The following SGCD variants were observed in gnomAD, a reference collection of about 807,000 sequenced individuals.
SGCD encodes the protein sarcoglycan delta, also known as delta-sarcoglycan.
Under a neutral mutation model 36.6 loss-of-function variants are expected in SGCD, and 18 were observed. The ratio of observed to expected loss-of-function variants is 0.49; its 90% CI spans 0.34 to 0.73. SGCD has a LOEUF of 0.73. SGCD is among the 30% of genes least tolerant of loss of function. SGCD has a pLI of 0.01. For synonymous variants in SGCD, 133 were observed against 130.6 expected (o/e 1.02, Z -0.12); for missense variants, 387 against 346.7 (o/e 1.12, Z -0.92).
intron 4 of SGCD, among the ~76,000 whole-genome samples, chr5:156,554,763 A>G (rs946311624): frequency 6.6e-6 from 1 of 151,932 alleles, no homozygotes; most frequent in Non-Finnish European, 1.5e-5. Context: ...TAGGAATGCA[A>G]TTGCTGGGTC....
the SGCD span, among the ~76,000 whole-genome samples, chr5:155,812,213 T>C: frequency 1.8e-4 from 27 of 152,320 alleles, no homozygotes; most frequent in Non-Finnish European, 2.9e-4. Flanking sequence ...GTTATACATA[T>C]GGACAGGTGC....
intron 3 of SGCD, among the ~76,000 whole-genome samples, chr5:156,172,851 G>GT (rs56825608): frequency 0.33 from 49,228 of 148,684 alleles, 8,579 homozygotes; most frequent in South Asian, 0.42. Context: ...CGTGTAATTT[G>GT]TTTTTTTTTT....
intron 2 of SGCD, among the ~76,000 whole-genome samples, chr5:156,340,940 A>G (rs571218184): frequency 6.6e-6 from 1 of 152,298 alleles, no homozygotes; most frequent in South Asian, 2.1e-4. Context: ...ATCCATTACC[A>G]TATGTTTGCA....
the SGCD span, among the ~76,000 whole-genome samples, chr5:155,796,395 T>A: frequency 6.6e-6 from 1 of 152,168 alleles, no homozygotes; most frequent in Non-Finnish European, 1.5e-5. Context: ...AAAATCTTTT[T>A]ATCTAAGTCT....
intron 3 of SGCD, among the ~76,000 whole-genome samples, chr5:156,312,794 T>C (rs1767421903): frequency 6.6e-6 from 1 of 152,180 alleles, no homozygotes; most frequent in African/African-American, 2.4e-5. Context: ...CCAGGTGAAG[T>C]GTTAGCTCTT....
chr5:156,679,288 C>G (rs1406295573), intron 7 of SGCD, among the ~76,000 whole-genome samples: 3 of 152,174 alleles, frequency 2.0e-5, no homozygotes, highest in Non-Finnish European at 2.9e-5. Context: ...CACCACTAGA[C>G]CATATATTAC....
At chr5:155,824,909 T>C in the SGCD span, among the ~76,000 whole-genome samples, 2 of 152,218 alleles carry the variant, frequency 1.3e-5, no homozygotes, top group Admixed American at 6.5e-5. Context: ...GACTTCTCTC[T>C]ACTTGCTATA....
the SGCD span, among the ~76,000 whole-genome samples, chr5:155,768,830 G>T: frequency 6.6e-6 from 1 of 152,054 alleles, no homozygotes; most frequent in Non-Finnish European, 1.5e-5. Context: ...TCAGTGAAAG[G>T]GTATGTCCTC....
At chr5:156,207,935 A>C (rs1764334270) in intron 3 of SGCD, among the ~76,000 whole-genome samples, 1 of 152,166 alleles carries the variant, frequency 6.6e-6, no homozygotes, top group African/African-American at 2.4e-5. Flanking sequence ...TATAGTCTTC[A>C]TCCATTAAAG....
At chr5:156,169,456 TA>T (rs1297490633) in intron 3 of SGCD, among the ~76,000 whole-genome samples, 2 of 152,248 alleles carry the variant, frequency 1.3e-5, no homozygotes, top group Non-Finnish European at 2.9e-5. Flanking sequence ...CTCAATTGTT[TA>T]CTAAAAATCA....
intron 5 of SGCD, among the ~76,000 whole-genome samples, chr5:156,589,627 AG>A (rs1452454339): frequency 1.3e-5 from 2 of 152,320 alleles, no homozygotes; most frequent in Admixed American, 6.5e-5. Flanking sequence ...GCCAAAGAAA[AG>A]CTTCTTGCTC....
chr5:156,251,331 T>C (rs74814753), intron 3 of SGCD, among the ~76,000 whole-genome samples: 3,565 of 152,264 alleles, frequency 0.023, 137 homozygotes, highest in African/African-American at 0.072. Context: ...AATAAGATAC[T>C]GAAAAACCCT....
At chr5:156,616,973 C>CA (rs1053487912) in intron 6 of SGCD, among the ~76,000 whole-genome samples, 2 of 151,462 alleles carry the variant, frequency 1.3e-5, no homozygotes, top group African/African-American at 2.4e-5. Context: ...TGGCCCTTTA[C>CA]AAAAAAAAAG....
In SGCD at chr5:156,033,724, A is replaced by G. The variant is rs116242975; in HGVS notation, c.-281-84154A>G. 3.8e-3 allele frequency among the ~76,000 whole-genome samples: 585 copies of G among 152,284 alleles called. 4 individuals carry two copies. Among genetic ancestry groups the G allele is most frequent in the African/African-American group, 0.013 (557 of 41,568 alleles). On this transcript the variant is annotated intron_variant, in intron 1 of 9. Coordinates refer to the SGCD transcript ENST00000517913. ...TATTGTTTGCGCCCTCAACCATTCA[A>G]CAAATATTAGGGAGGGCATACTATG...
At chr5:155,834,745 T>G in the SGCD span, among the ~76,000 whole-genome samples, 1 of 152,122 alleles carries the variant, frequency 6.6e-6, no homozygotes, top group Non-Finnish European at 1.5e-5. Flanking sequence ...CTACACCAAC[T>G]TTGTGGTGAA....
chr5:156,457,630 C>A (rs970831513), intron 3 of SGCD, among the ~76,000 whole-genome samples: 12 of 152,238 alleles, frequency 7.9e-5, no homozygotes, highest in African/African-American at 2.9e-4. Context: ...GCTTCAAGAC[C>A]CCTGCCCAGT....
At chr5:156,692,266 T>C (rs1300887262) in intron 7 of SGCD, among the ~76,000 whole-genome samples, 1 of 152,204 alleles carries the variant, frequency 6.6e-6, no homozygotes, top group Admixed American at 6.5e-5. Context: ...TAACAATTCC[T>C]ATCAATTGAC....
At chr5:155,874,678 C>T (rs113615107) in intron 1 of SGCD, among the ~76,000 whole-genome samples, 182 of 152,038 alleles carry the variant, frequency 1.2e-3, no homozygotes, top group African/African-American at 4.0e-3. Flanking sequence ...CATTAGTCAC[C>T]GGGGGAGATG....
At chr5:156,395,091 A>T (rs1272073184) in intron 3 of SGCD, among the ~76,000 whole-genome samples, 1 of 152,230 alleles carries the variant, frequency 6.6e-6, no homozygotes, top group Non-Finnish European at 1.5e-5. Flanking sequence ...GAAATGAGTG[A>T]ATGCTAAACA....
Sources: gnomAD v4.1 joint callset for allele counts (sites outside exome capture counted in the v4.1 genomes callset) on GRCh38, gnomAD v4.1.1 for gene constraint, MANE v1.5 for transcripts, NCBI Gene and HGNC (gene_info 2026-07-23, HGNC 2026-07-21) for gene names.